Variants in GRID1 observed in about 807,000 individuals in gnomAD.
GRID1 encodes the protein glutamate ionotropic receptor delta type subunit 1.
A neutral mutation model predicts 98.0 loss-of-function variants in GRID1; 28 were observed. The observed-to-expected ratio is 0.29, with a 90% CI of 0.21 to 0.39. The LOEUF is 0.39. Among genes scored for constraint, GRID1 ranks in the 10% least tolerant of loss-of-function variants. GRID1 has a pLI of 1.00. For missense variants in GRID1, 1,111 were observed against 1,340.5 expected, an observed-to-expected ratio of 0.83 and a Z score of 2.67; for synonymous variants, 553 against 538.5, an observed-to-expected ratio of 1.03 and a Z score of -0.37.
intron 8 of GRID1, among the ~76,000 whole-genome samples, chr10:85,774,307 C>G (rs1402970930): frequency 1.3e-5 from 2 of 152,094 alleles, no homozygotes; most frequent in Non-Finnish European, 2.9e-5. Context: ...TTCCTTACAC[C>G]TTATACAAAA....
chr10:85,656,760 A>AATCAG (rs1308500678), intron 12 of GRID1, among the ~76,000 whole-genome samples: 1 of 152,192 alleles, frequency 6.6e-6, no homozygotes, highest in Non-Finnish European at 1.5e-5. Context: ...ATACATCTAG[A>AATCAG]ATCAGATCAC....
At chr10:85,654,530 C>G (rs1840871615) in intron 12 of GRID1, among the ~76,000 whole-genome samples, 1 of 152,196 alleles carries the variant, frequency 6.6e-6, no homozygotes, top group African/African-American at 2.4e-5. Context: ...GAACTGAGCT[C>G]TGTGCTCTCT....
chr10:86,034,993 G>GT (rs1453237380), intron 4 of GRID1, among the ~76,000 whole-genome samples: 1 of 151,796 alleles, frequency 6.6e-6, no homozygotes, highest in Non-Finnish European at 1.5e-5. Flanking sequence ...GGATGGATAA[G>GT]TATACAGGTA....
At chr10:85,906,428 C>A (rs186852194) in intron 5 of GRID1, among the ~76,000 whole-genome samples, 20 of 152,226 alleles carry the variant, frequency 1.3e-4, no homozygotes, top group Admixed American at 2.6e-4. Flanking sequence ...ATGAAACATT[C>A]CACACAACAG....
intron 13 of GRID1, chr10:85,646,899 C>T (rs1207713698): frequency 1.0e-5 from 4 of 400,182 alleles, no homozygotes; most frequent in Non-Finnish European, 9.4e-6. Context: ...ATTGTTCTCA[C>T]CTCGGGTGGA....
In GRID1 at chr10:86,234,259, C is replaced by T. The variant is rs148940871; in HGVS notation, c.236-27611G>A. Among the ~76,000 whole-genome samples, 149 of 152,300 alleles carry T rather than the reference C, an allele frequency of 9.8e-4. 1 individual carries two copies. Among genetic ancestry groups the T allele is most frequent in the African/African-American group, 3.3e-3 (137 of 41,560 alleles). ...AGCCACCCTAGAAAGAGAGAAGTGGCCAGCTTTCAGGGTTATTGAGAAACA... is the reference window on the plus strand; with the variant it reads ...AGCCACCCTAGAAAGAGAGAAGTGGTCAGCTTTCAGGGTTATTGAGAAACA... On this transcript the variant is annotated intron_variant, in intron 2 of 15. Coordinates refer to ENST00000327946, the MANE Select transcript of GRID1 (RefSeq NM_017551.3).
chr10:85,609,715 C>T (rs886464942), intron 15 of GRID1, among the ~76,000 whole-genome samples: 1 of 152,184 alleles, frequency 6.6e-6, no homozygotes, highest in African/African-American at 2.4e-5. Flanking sequence ...GGAGGGCAGG[C>T]AAGGCAGAAA....
At chr10:85,964,779 A>T (rs1170128236) in intron 4 of GRID1, among the ~76,000 whole-genome samples, 2 of 152,258 alleles carry the variant, frequency 1.3e-5, no homozygotes, top group Non-Finnish European at 2.9e-5. Flanking sequence ...ATGAAAGCCA[A>T]AATTGACAAA....
chr10:85,796,522 C>G (rs1458756792), intron 8 of GRID1, among the ~76,000 whole-genome samples: 1 of 152,062 alleles, frequency 6.6e-6, no homozygotes, highest in Non-Finnish European at 1.5e-5. Flanking sequence ...GACTAAGAAG[C>G]CCATTGCAAG....
chr10:85,702,021 A>C (rs1841457181), intron 12 of GRID1, among the ~76,000 whole-genome samples: 1 of 152,230 alleles, frequency 6.6e-6, no homozygotes, highest in Non-Finnish European at 1.5e-5. Flanking sequence ...GGAGACATAA[A>C]GGAAGATATC....
intron 8 of GRID1, among the ~76,000 whole-genome samples, chr10:85,772,581 C>A (rs11528008): frequency 6.8e-4 from 103 of 152,038 alleles, no homozygotes; most frequent in African/African-American, 2.2e-3. Context: ...GCTAGCAAGA[C>A]TAATAAAGAA....
chr10:85,648,547 T>G (rs1590174143), intron 12 of GRID1, among the ~76,000 whole-genome samples: 1 of 132,588 alleles, frequency 7.5e-6, no homozygotes, highest in East Asian at 2.2e-4. Context: ...GAAGAGCCAG[T>G]CTTCTCAACT....
chr10:86,261,203 T>G (rs1847011118), intron 2 of GRID1, among the ~76,000 whole-genome samples: 2 of 152,234 alleles, frequency 1.3e-5, no homozygotes. Context: ...ACACAAGTTA[T>G]GTGACTTGCA....
At chr10:85,776,208 T>C (rs1166093605) in intron 8 of GRID1, among the ~76,000 whole-genome samples, 2 of 152,074 alleles carry the variant, frequency 1.3e-5, no homozygotes, top group Non-Finnish European at 2.9e-5. Context: ...AAGAGAAGAC[T>C]ACAAAGATAA....
chr10:85,617,767 A>G (rs1483559351), intron 14 of GRID1, among the ~76,000 whole-genome samples: 1 of 152,222 alleles, frequency 6.6e-6, no homozygotes, highest in Non-Finnish European at 1.5e-5. Context: ...GACTAGCCAC[A>G]TTTGATTATG....
At chr10:86,214,869 A>G (rs1407646679) in intron 2 of GRID1, among the ~76,000 whole-genome samples, 1 of 152,172 alleles carries the variant, frequency 6.6e-6, no homozygotes, top group Non-Finnish European at 1.5e-5. Flanking sequence ...ACTCCGTATC[A>G]AAAAAAGAAA....
chr10:85,870,883 C>A (rs772015298), intron 5 of GRID1, among the ~76,000 whole-genome samples: 1 of 152,080 alleles, frequency 6.6e-6, no homozygotes, highest in Non-Finnish European at 1.5e-5. Flanking sequence ...TTAAGGGAGA[C>A]AAGGAGCTCT....
chr10:85,656,273 A>G (rs1053980261), intron 12 of GRID1, among the ~76,000 whole-genome samples: 1 of 152,120 alleles, frequency 6.6e-6, no homozygotes, highest in Non-Finnish European at 1.5e-5. Context: ...GCTTCCAGAA[A>G]TCACTCTTGC....
chr10:85,827,950 C>T (rs553502158), intron 8 of GRID1, among the ~76,000 whole-genome samples: 5 of 152,200 alleles, frequency 3.3e-5, no homozygotes, highest in Admixed American at 3.3e-4. Context: ...CAGATATCTA[C>T]AGAAATCTCC....
Sources: allele counts gnomAD v4.1 joint callset (sites outside exome capture counted in the v4.1 genomes callset), GRCh38; gene constraint gnomAD v4.1.1; transcripts MANE v1.5; gene names NCBI Gene and HGNC (gene_info 2026-07-23, HGNC 2026-07-21).